Variants in RBM26 observed in about 807,000 individuals in gnomAD.
RBM26 encodes RNA-binding protein 26.
RBM26 carries 30 observed loss-of-function variants against 123.6 expected under a neutral mutation model. The observed-to-expected ratio is 0.24, with a 90% confidence interval of 0.18 to 0.33. The LOEUF is 0.33. Ranked by LOEUF, RBM26 falls within the 10% of genes least tolerant of loss-of-function variation. The pLI is 1.00. For synonymous variants in RBM26, 400 were observed against 404.4 expected, an observed-to-expected ratio of 0.99 and a Z score of 0.13; for missense variants, 947 against 1,203.6, an observed-to-expected ratio of 0.79 and a Z score of 3.15.
intron 10 of RBM26, 133 bp downstream of exon 10, chr13:79,359,442 C>A: frequency 2.1e-6 from 1 of 472,844 alleles, no homozygotes; most frequent in Non-Finnish European, 3.8e-6. Flanking sequence ...TTTTAGAAAA[C>A]TCACACTTGG....
chr13:79,381,530 T>C (rs1415944831), intron 1 of RBM26, among the ~76,000 whole-genome samples: 2 of 152,060 alleles, frequency 1.3e-5, no homozygotes, highest in Non-Finnish European at 1.5e-5. Flanking sequence ...ATTGTTGTGG[T>C]GAATTTTTAA....
intron 21 of RBM26, among the ~76,000 whole-genome samples, 198 bp downstream of exon 21, chr13:79,322,151 T>C (rs2067749007): frequency 6.6e-6 from 1 of 151,508 alleles, no homozygotes; most frequent in South Asian, 2.1e-4. Flanking sequence ...TTTTCATATA[T>C]TCTTTTTGAA....
intron 5 of RBM26, among the ~76,000 whole-genome samples, chr13:79,370,460 A>G (rs1312799722): frequency 2.0e-5 from 3 of 152,220 alleles, no homozygotes; most frequent in Admixed American, 6.5e-5. Flanking sequence ...TGGTATGGAT[A>G]TACCACAACA....
intron 1 of RBM26, among the ~76,000 whole-genome samples, chr13:79,401,306 T>C (rs1566614069): frequency 6.6e-6 from 1 of 152,198 alleles, no homozygotes; most frequent in African/African-American, 2.4e-5. Flanking sequence ...TAGAACTTTG[T>C]TCTTTTACAA....
intron 11 of RBM26, among the ~76,000 whole-genome samples, chr13:79,356,938 G>A (rs1001055472): frequency 6.6e-6 from 1 of 152,106 alleles, no homozygotes; most frequent in African/African-American, 2.4e-5. Context: ...TTTATGACTA[G>A]ATATAGTGGT....
chr13:79,312,133 A>G (rs1363319784), exon 5 of RBM26: 1 of 152,076 alleles, frequency 6.6e-6, no homozygotes, highest in African/African-American at 2.4e-5. Flanking sequence ...CATTCATGAA[A>G]TGGGATACTT....
intron 9 of RBM26, among the ~76,000 whole-genome samples, chr13:79,364,129 C>CT (rs11398933): frequency 0.5 from 76,643 of 151,822 alleles, 19,740 homozygotes; most frequent in Middle Eastern, 0.6. Context: ...TAAAAAAAAT[C>CT]TTTTTTCTAT....
intron 3 of RBM26, among the ~76,000 whole-genome samples, chr13:79,373,997 G>A (rs979972547): frequency 6.6e-6 from 1 of 151,662 alleles, no homozygotes; most frequent in Non-Finnish European, 1.5e-5. Context: ...CTTAGAGGTT[G>A]AACAAATTCA....
Position 79,344,734 on chromosome 13 carries a change from C to A in RBM26, c.2119G>T (p.Ala707Ser). ...TVYNPAALKA[A>S]QKTLLVSTSA... ...GTGGAAACAAGTAAGGTTTTCTGTG[C>A]AGCCTTCAAAGCAGCTGGATTATAC... Residue 707 changes from alanine to serine, a missense_variant, in exon 15 of 22, where the codon GCA (alanine) becomes TCA (serine). By Grantham distance (99) the Ala-to-Ser change is moderately conservative. Coordinates refer to ENST00000438737, the MANE Select transcript of RBM26 (RefSeq NM_001366735.2). 1 of 1,613,002 alleles carries A rather than the reference C, an allele frequency of 6.2e-7. No individual in the cohort carries two copies. Among genetic ancestry groups the A allele is most frequent in the Non-Finnish European group, 8.5e-7 (1 of 1,179,248 alleles).
chr13:79,340,758 C>T (rs12427464), intron 18 of RBM26, among the ~76,000 whole-genome samples: 1 of 151,954 alleles, frequency 6.6e-6, no homozygotes, highest in Non-Finnish European at 1.5e-5. Context: ...CTAAAACTCG[C>T]ATACAGCAAC....
intron 19 of RBM26, among the ~76,000 whole-genome samples, chr13:79,335,525 T>G (rs7993478): frequency 0.99 from 150,216 of 152,210 alleles, 74,166 homozygotes; most frequent in East Asian, 1. Context: ...TAACATCACA[T>G]ATATTAAATA....
rs540849626 is a variant in RBM26, at chr13:79,368,067, C to T, written c.895+663G>A. Among the ~76,000 whole-genome samples the T allele has an allele frequency of 3.7e-3, 557 of 151,324 alleles. 2 individuals carry two copies. Among genetic ancestry groups the T allele is most frequent in the African/African-American group, 0.013 (524 of 41,250 alleles). ...TTGAGACGGAGTCTCGCTCTGTCAC[C>T]CGGGCTAGAGTGCAGTGGTGCGATC... On this transcript the variant is annotated intron_variant, in intron 6 of 21. Transcript: ENST00000438737.
At chr13:79,379,317 T>C (rs956365156) in intron 1 of RBM26, among the ~76,000 whole-genome samples, 1 of 145,788 alleles carries the variant, frequency 6.9e-6, no homozygotes, top group African/African-American at 2.6e-5. Context: ...GCAGATCGCT[T>C]GAGCCCAGGA....
chr13:79,379,195 TAA>T (rs1368486801), intron 1 of RBM26, among the ~76,000 whole-genome samples: 1 of 151,926 alleles, frequency 6.6e-6, no homozygotes, highest in Non-Finnish European at 1.5e-5. Flanking sequence ...TCAGATTTTA[TAA>T]AAGTGGCATC....
At chr13:79,324,016 T>G (rs1271566122) in intron 20 of RBM26, among the ~76,000 whole-genome samples, 2 of 151,740 alleles carry the variant, frequency 1.3e-5, no homozygotes, top group Admixed American at 6.6e-5. Context: ...TTCAGGTAAT[T>G]GCAACATAAA....
In RBM26 at chr13:79,319,508, C is replaced by T. The variant is rs2067452836; in HGVS notation, c.*1113G>A. ...TTTATACAAGTATAGGAAGTACACA[C>T]TTAAAATATCAGACTGGAACACTTA... On this transcript the variant is annotated 3_prime_UTR_variant, in exon 22 of 22. Coordinates refer to ENST00000438737, the MANE Select transcript of RBM26 (RefSeq NM_001366735.2). The T allele has an allele frequency of 3.0e-6, 3 of 984,140 alleles. No homozygotes were observed. The highest frequency in any genetic ancestry group is 1.7e-5 in the African/African-American group (1 of 57,250). The allele number at this position is 984,140 out of a possible 1,614,324, so 61.0% of individuals were successfully genotyped here.
At position 79,319,912 on chromosome 13, in the gene RBM26, TTTC is replaced by T. The variant is rs2067484620; in HGVS notation, c.*706_*708del. 4.2e-6 allele frequency: 4 copies of T among 942,888 alleles called. No individual in the cohort carries two copies. The highest frequency in any genetic ancestry group is 1.8e-5 in the African/African-American group (1 of 55,738). 58.4% of individuals were successfully genotyped at this position (942,888 alleles called of 1,614,324 possible). A position where few individuals can be genotyped will look rare whatever the true frequency, so the allele number is the denominator to read the frequency against. On this transcript the variant is annotated 3_prime_UTR_variant, in exon 22 of 22. Coordinates refer to ENST00000438737, the MANE Select transcript of RBM26 (RefSeq NM_001366735.2). ...TTAATTTTTTTCTTTTCTTTTTTCT[TTTC>T]TTTTTTTTTTTAAATCAAGGAACAT...
At chr13:79,394,201 T>G (rs2078354966) in intron 1 of RBM26, among the ~76,000 whole-genome samples, 2 of 152,206 alleles carry the variant, frequency 1.3e-5, no homozygotes, top group African/African-American at 4.8e-5. Flanking sequence ...CTCTGCTAGC[T>G]CCTTACGACT....
rs184940880 is a variant in RBM26, at chr13:79,319,297, G to C, written c.*1324C>G. 20 of 982,986 alleles carry C rather than the reference G, an allele frequency of 2.0e-5. No homozygotes were observed. In the East Asian group the frequency reaches 2.3e-3, roughly 112 times the overall value. 60.9% of individuals were successfully genotyped at this position (982,986 alleles called of 1,614,324 possible). ...TTTAATATTATCACTATAATCTCAA[G>C]AGAGGCAGAAACACTTGCAATCAAA... On this transcript the variant is annotated 3_prime_UTR_variant, in exon 22 of 22. Coordinates refer to ENST00000438737, the MANE Select transcript of RBM26 (RefSeq NM_001366735.2).
Sources: gnomAD v4.1 joint callset for allele counts (sites outside exome capture counted in the v4.1 genomes callset) on GRCh38, gnomAD v4.1.1 for gene constraint, MANE v1.5 for transcripts, NCBI Gene and HGNC (gene_info 2026-07-23, HGNC 2026-07-21) for gene names.